Variants in RIMS1 observed in about 807,000 individuals in gnomAD.
The protein encoded by RIMS1 is regulating synaptic membrane exocytosis protein 1.
In RIMS1, 83 loss-of-function variants were observed where a neutral mutation model predicts 214.1. The observed-to-expected ratio is 0.39, with a 90% CI of 0.32 to 0.47. The LOEUF is 0.47. Ranked by LOEUF, RIMS1 falls within the 20% of genes least tolerant of loss-of-function variation. The pLI is 0.99. For missense variants in RIMS1, 2,050 were observed against 2,161.8 expected, an observed-to-expected ratio of 0.95 and a Z score of 1.03; for synonymous variants, 793 against 786.8, an observed-to-expected ratio of 1.01 and a Z score of -0.13.
At chr6:72,139,108 G>A (rs773364257) in intron 4 of RIMS1, among the ~76,000 whole-genome samples, 2 of 152,082 alleles carry the variant, frequency 1.3e-5, no homozygotes, top group Non-Finnish European at 2.9e-5. Flanking sequence ...GCCTGTTTCT[G>A]TGTGTCTGTG....
intron 28 of RIMS1, among the ~76,000 whole-genome samples, chr6:72,319,907 G>T (rs1054283999): frequency 6.6e-6 from 1 of 152,132 alleles, no homozygotes; most frequent in East Asian, 1.9e-4. Context: ...ATGAAATAGT[G>T]TATATCAGAA....
At chr6:71,966,714 G>A (rs1349994237) in intron 1 of RIMS1, among the ~76,000 whole-genome samples, 1 of 151,986 alleles carries the variant, frequency 6.6e-6, no homozygotes, top group Non-Finnish European at 1.5e-5. Flanking sequence ...GTAGAGATGG[G>A]GTTTCACCAT....
At chr6:72,241,244 GATC>G (rs2066772503) in intron 9 of RIMS1, among the ~76,000 whole-genome samples, 1 of 152,056 alleles carries the variant, frequency 6.6e-6, no homozygotes, top group South Asian at 2.1e-4. Context: ...TGATGATATT[GATC>G]CAGTATTTCA....
At chr6:72,219,055 T>C (rs2057425508) in intron 6 of RIMS1, among the ~76,000 whole-genome samples, 1 of 152,174 alleles carries the variant, frequency 6.6e-6, no homozygotes. Flanking sequence ...AAGAAGTCAT[T>C]TGGAAAACAA....
Position 72,248,100 on chromosome 6 carries a change from C to T in RIMS1, c.2214C>T (p.Ala738=), listed in dbSNP as rs773228374. 1.2e-6 allele frequency: 2 copies of T among 1,612,088 alleles called. No homozygotes were observed. The highest frequency in any genetic ancestry group is 3.3e-5 in the Admixed American group (2 of 59,912). ...CAAGTCCTGGAGCTCTAAAAGATGC[C>T]CCACAAGTCTTACCAGGGCAACTTT... The part of the protein sequence containing the change: ...SPTSPGALKD[A]PQVLPGQLSV... The change falls in exon 12 of 34, where the codon GCC becomes GCT. Residue 738 remains alanine (A), a synonymous_variant. Transcript: ENST00000521978.
chr6:72,220,407 T>C (rs965526658), intron 6 of RIMS1, among the ~76,000 whole-genome samples: 1 of 152,048 alleles, frequency 6.6e-6, no homozygotes, highest in African/African-American at 2.4e-5. Context: ...CTAAATGTAA[T>C]TATGGACCAT....
intron 1 of RIMS1, among the ~76,000 whole-genome samples, chr6:71,912,496 A>T (rs1478782989): frequency 6.6e-6 from 1 of 152,152 alleles, no homozygotes; most frequent in East Asian, 1.9e-4. Flanking sequence ...AATAGTTTAT[A>T]AAGCCTGAGT....
intron 4 of RIMS1, among the ~76,000 whole-genome samples, chr6:72,136,962 G>T (rs947236253): frequency 6.6e-6 from 1 of 151,888 alleles, no homozygotes; most frequent in Non-Finnish European, 1.5e-5. Flanking sequence ...GACACTAACC[G>T]ATTATCATTT....
intron 1 of RIMS1, among the ~76,000 whole-genome samples, chr6:71,893,169 G>A (rs960550856): frequency 2.6e-5 from 4 of 152,164 alleles, no homozygotes; most frequent in Non-Finnish European, 1.5e-5. Flanking sequence ...GGGAAGATGA[G>A]CTCTTGGAGA....
chr6:72,307,528 G>A (rs2095276325), intron 27 of RIMS1, among the ~76,000 whole-genome samples, 158 bp downstream of exon 27: 1 of 152,114 alleles, frequency 6.6e-6, no homozygotes. Flanking sequence ...GGAGGCCAAG[G>A]CAGGCACATC....
Position 72,182,798 on chromosome 6 carries a change from C to G in RIMS1, c.1327C>G (p.Gln443Glu). 3 of 1,547,898 alleles carry G rather than the reference C, an allele frequency of 1.9e-6. No individual in the cohort carries two copies. Among genetic ancestry groups the G allele is most frequent in the Non-Finnish European group, 2.6e-6 (3 of 1,150,354 alleles). Residue 443 changes from glutamine to glutamate, a missense_variant, in exon 6 of 34, where the codon CAG becomes GAG. Coordinates refer to ENST00000521978, the MANE Select transcript of RIMS1 (RefSeq NM_014989.7). ...TAETRAPGAK[Q>E]LTNHSPPAPR... ...GGAGACCAGGGCGCCGGGCGCCAAG[C>G]AGCTAACGAACCACAGCCCGCCGGC...
intron 2 of RIMS1, among the ~76,000 whole-genome samples, chr6:71,985,366 G>A (rs1799637736): frequency 6.6e-6 from 1 of 151,866 alleles, no homozygotes; most frequent in Admixed American, 6.6e-5. Context: ...CTGCAGCCTG[G>A]GTAACAGAGT....
rs117072535 is a variant in RIMS1, at chr6:72,246,551, C to T, written c.2128+690C>T. ...ATTCCCCAGGTGTTCTTACAGAACC[C>T]AAGTTAAAGAAATAGAAAATAAAAG... On this transcript the variant is annotated intron_variant, in intron 11 of 33. Transcript: ENST00000521978. Among the ~76,000 whole-genome samples the T allele has an allele frequency of 3.6e-4, 54 of 151,574 alleles. No homozygotes were observed. In the East Asian group the frequency reaches 9.5e-3, roughly 27 times the overall value.
chr6:72,354,484 T>A (rs2097564643), intron 29 of RIMS1, among the ~76,000 whole-genome samples: 1 of 152,230 alleles, frequency 6.6e-6, no homozygotes, highest in Non-Finnish European at 1.5e-5. Flanking sequence ...GTTAAAATAA[T>A]TGTAATGATT....
At chr6:71,928,411 A>G (rs1393826352) in intron 1 of RIMS1, among the ~76,000 whole-genome samples, 2 of 152,116 alleles carry the variant, frequency 1.3e-5, no homozygotes, top group Non-Finnish European at 2.9e-5. Context: ...AATAATGCTC[A>G]AAGTCCATCT....
At chr6:71,998,639 C>T (rs1351160374) in intron 2 of RIMS1, among the ~76,000 whole-genome samples, 3 of 152,126 alleles carry the variant, frequency 2.0e-5, no homozygotes, top group African/African-American at 7.2e-5. Context: ...TGAAATTGCA[C>T]ATTTGTCATA....
intron 33 of RIMS1, among the ~76,000 whole-genome samples, chr6:72,399,744 C>T (rs2098819922): frequency 6.6e-6 from 1 of 152,150 alleles, no homozygotes; most frequent in Non-Finnish European, 1.5e-5. Context: ...AGACATGATT[C>T]ACCACCAACT....
chr6:72,051,078 A>G (rs893788729), intron 2 of RIMS1, among the ~76,000 whole-genome samples: 3 of 152,140 alleles, frequency 2.0e-5, no homozygotes, highest in African/African-American at 7.2e-5. Context: ...GAGTGAAGAG[A>G]GAGTTGCCGC....
At chr6:72,148,890 C>G (rs2043120286) in intron 4 of RIMS1, among the ~76,000 whole-genome samples, 1 of 151,872 alleles carries the variant, frequency 6.6e-6, no homozygotes, top group Admixed American at 6.6e-5. Context: ...CTATCATAAG[C>G]AGAGTGCTAA....
Sources: allele counts gnomAD v4.1 joint callset (sites outside exome capture counted in the v4.1 genomes callset), GRCh38; gene constraint gnomAD v4.1.1; transcripts MANE v1.5; gene names NCBI Gene and HGNC (gene_info 2026-07-23, HGNC 2026-07-21).